MECOM: variants seen among roughly 807,000 people sequenced by gnomAD.
MECOM encodes histone-lysine N-methyltransferase MECOM.
Under a neutral mutation model 116.3 loss-of-function variants are expected in MECOM, and 13 were observed. The ratio of observed to expected loss-of-function variants is 0.11; its 90% CI spans 0.07 to 0.18. The LOEUF is 0.18. MECOM is among the 10% of genes least tolerant of loss of function. The pLI is 1.00. For missense variants in MECOM, 1,299 were observed against 1,509.0 expected (o/e 0.86, Z 2.31); for synonymous variants, 528 against 535.2 (o/e 0.99, Z 0.19).
chr3:169,603,013 A>G (rs1768010889), intron 1 of MECOM, among the ~76,000 whole-genome samples: 1 of 152,242 alleles, frequency 6.6e-6, no homozygotes, highest in South Asian at 2.1e-4. Context: ...TTTAACTTAC[A>G]GGGAATATAT....
At chr3:169,308,009 C>T (rs1414227144) in intron 2 of MECOM, among the ~76,000 whole-genome samples, 1 of 152,158 alleles carries the variant, frequency 6.6e-6, no homozygotes, top group Non-Finnish European at 1.5e-5. Flanking sequence ...ACACTATTTA[C>T]TTTAGTTAGG....
intron 2 of MECOM, among the ~76,000 whole-genome samples, chr3:169,186,383 AGGGAGGGAGGG>A (rs1746761985): frequency 3.2e-3 from 83 of 25,570 alleles, no homozygotes; most frequent in African/African-American, 8.8e-3. Flanking sequence ...GAAGGAAGGG[AGGGAGGGAGGG>A]AGGGAGGGAG....
At chr3:169,252,324 T>A (rs1297182957) in intron 2 of MECOM, among the ~76,000 whole-genome samples, 1 of 151,958 alleles carries the variant, frequency 6.6e-6, no homozygotes, top group East Asian at 1.9e-4. Flanking sequence ...AAGATATGCA[T>A]TTAGATAAGC....
At chr3:169,294,129 T>G (rs999378299) in intron 2 of MECOM, among the ~76,000 whole-genome samples, 5 of 151,898 alleles carry the variant, frequency 3.3e-5, no homozygotes, top group Admixed American at 6.6e-5. Flanking sequence ...TATTTATGGG[T>G]TTTTTTTGGT....
intron 2 of MECOM, among the ~76,000 whole-genome samples, chr3:169,258,604 T>C (rs1298303699): frequency 6.6e-6 from 1 of 152,188 alleles, no homozygotes; most frequent in African/African-American, 2.4e-5. Context: ...TGAGGTGTCA[T>C]TGTTGTTAGT....
Position 169,427,373 on chromosome 3 carries a change from T to C in MECOM, c.38-45849A>G, listed in dbSNP as rs117444949. On this transcript the variant is annotated intron_variant, in intron 1 of 16. Coordinates refer to ENST00000651503, the MANE Select transcript of MECOM (RefSeq NM_004991.4). ...AGGTGAGTCTAGGTAGCTAATTATG[T>C]CAAAGAATGAGGTTTTGAGTATACT... Among the ~76,000 whole-genome samples, 279 of 152,266 alleles carry C rather than the reference T, an allele frequency of 1.8e-3. 5 individuals are homozygous for C. In the East Asian group the frequency reaches 0.049, roughly 27 times the overall value.
chr3:169,096,580 T>G (rs1436029227), intron 12 of MECOM, among the ~76,000 whole-genome samples: 1 of 152,138 alleles, frequency 6.6e-6, no homozygotes, highest in Non-Finnish European at 1.5e-5. Flanking sequence ...TCCAAATGAC[T>G]TATAAATGAA....
chr3:169,110,342 C>A (rs1028503298), intron 9 of MECOM, among the ~76,000 whole-genome samples: 2 of 152,108 alleles, frequency 1.3e-5, no homozygotes, highest in African/African-American at 4.8e-5. Flanking sequence ...AATAAGAGCT[C>A]TTCCTCATTT....
intron 1 of MECOM, among the ~76,000 whole-genome samples, chr3:169,416,656 G>A: frequency 6.6e-6 from 1 of 151,788 alleles, no homozygotes; most frequent in Non-Finnish European, 1.5e-5. Flanking sequence ...AGGAAGAAAA[G>A]AGAGACAAAT....
intron 1 of MECOM, among the ~76,000 whole-genome samples, chr3:169,442,125 C>T (rs1280953894): frequency 6.6e-6 from 1 of 152,138 alleles, no homozygotes; most frequent in Non-Finnish European, 1.5e-5. Context: ...AGGGTTTCAC[C>T]ATTTTGGCCA....
At chr3:169,384,813 A>T (rs1049949434) in intron 1 of MECOM, among the ~76,000 whole-genome samples, 8 of 152,146 alleles carry the variant, frequency 5.3e-5, no homozygotes, top group Non-Finnish European at 1.2e-4. Context: ...TCTTTAAAAA[A>T]GGATAGAGGC....
At chr3:169,214,241 T>G (rs891664034) in intron 2 of MECOM, among the ~76,000 whole-genome samples, 1 of 152,074 alleles carries the variant, frequency 6.6e-6, no homozygotes, top group Non-Finnish European at 1.5e-5. Flanking sequence ...ACTCAGCTTG[T>G]AGAATTAGCG....
At chr3:169,661,031 A>G (rs1047687458) in intron 1 of MECOM, among the ~76,000 whole-genome samples, 1 of 152,224 alleles carries the variant, frequency 6.6e-6, no homozygotes, top group Non-Finnish European at 1.5e-5. Flanking sequence ...CAGTTGAATG[A>G]CAAGTATCAT....
chr3:169,360,344 GA>G (rs201217832), intron 2 of MECOM, among the ~76,000 whole-genome samples: 61 of 62,102 alleles, frequency 9.8e-4, no homozygotes, highest in Middle Eastern at 0.011. Context: ...AAAAAAAAAA[GA>G]AAAAAGCTCC....
In MECOM at chr3:169,429,566, A is replaced by G. The variant is rs188403740; in HGVS notation, c.38-48042T>C. 3.3e-5 allele frequency among the ~76,000 whole-genome samples: 5 copies of G among 152,302 alleles called. No individual in the cohort carries two copies. In the East Asian group the frequency reaches 9.6e-4, roughly 29 times the overall value. Reference sequence around the variant, plus strand: ...GATGAGTAAACATATTTTCTACCAGATGAGATGTAAAGTTTATAGGGAGAA... The same window carrying G: ...GATGAGTAAACATATTTTCTACCAGGTGAGATGTAAAGTTTATAGGGAGAA... On this transcript the variant is annotated intron_variant, in intron 1 of 16. Coordinates refer to ENST00000651503, the MANE Select transcript of MECOM (RefSeq NM_004991.4).
chr3:169,413,547 T>C lies in MECOM; in HGVS notation c.38-32023A>G, dbSNP rs1053632169. 3.4e-5 allele frequency among the ~76,000 whole-genome samples: 5 copies of C among 148,138 alleles called. No homozygotes were observed. The Admixed American group carries it at 3.4e-4, about 10-fold the overall frequency. ...ACTCCAGTGAGACAGAACCAAACACTACCCTGCAAAGGGGGCTGAAGCCAG... is the reference window on the plus strand; with the variant it reads ...ACTCCAGTGAGACAGAACCAAACACCACCCTGCAAAGGGGGCTGAAGCCAG... On this transcript the variant is annotated intron_variant, in intron 1 of 16. Coordinates refer to ENST00000651503, the MANE Select transcript of MECOM (RefSeq NM_004991.4).
At chr3:169,642,692 CA>C (rs1365432233) in intron 1 of MECOM, among the ~76,000 whole-genome samples, 3 of 150,072 alleles carry the variant, frequency 2.0e-5, no homozygotes, top group Non-Finnish European at 4.4e-5. Context: ...CACACAGCTT[CA>C]GGTATTTAGC....
chr3:169,431,249 T>C (rs1741574026), intron 1 of MECOM, among the ~76,000 whole-genome samples: 1 of 152,180 alleles, frequency 6.6e-6, no homozygotes, highest in Non-Finnish European at 1.5e-5. Context: ...TTGTGGCCTT[T>C]CTTCAAGTGG....
chr3:169,384,968 G>A (rs1258344568), intron 1 of MECOM, among the ~76,000 whole-genome samples: 1 of 151,976 alleles, frequency 6.6e-6, no homozygotes, highest in African/African-American at 2.4e-5. Context: ...GCCGGGCATA[G>A]TGGTGCATGC....
Sources: allele counts gnomAD v4.1 joint callset (sites outside exome capture counted in the v4.1 genomes callset), GRCh38; gene constraint gnomAD v4.1.1; transcripts MANE v1.5; gene names NCBI Gene and HGNC (gene_info 2026-07-23, HGNC 2026-07-21).